PLCH1: variants seen among roughly 807,000 people sequenced by gnomAD.
PLCH1 encodes phospholipase C eta 1.
In PLCH1, 60 loss-of-function variants were observed where a neutral mutation model predicts 126.7. The observed-to-expected ratio is 0.47, with a 90% confidence interval of 0.38 to 0.59. The LOEUF is 0.59. Ranked by LOEUF, PLCH1 falls within the 20% of genes least tolerant of loss-of-function variation. The probability of loss-of-function intolerance (pLI) is 0.00; values close to 1 mark genes in which losing one functional copy is unlikely to be tolerated. For synonymous variants in PLCH1, 719 were observed against 734.9 expected, an observed-to-expected ratio of 0.98 and a Z score of 0.35; for missense variants, 1,723 against 2,040.0, an observed-to-expected ratio of 0.84 and a Z score of 2.99.
chr3:155,594,527 C>T (rs1732686980), intron 3 of PLCH1, among the ~76,000 whole-genome samples: 1 of 151,968 alleles, frequency 6.6e-6, no homozygotes, highest in African/African-American at 2.4e-5. Flanking sequence ...GAGCCAAGAT[C>T]GTGCCACTGC....
At chr3:155,568,754 C>CTGTGTCTGTG (rs1553840964) in intron 6 of PLCH1, among the ~76,000 whole-genome samples, 12 of 147,182 alleles carry the variant, frequency 8.2e-5, no homozygotes, top group Non-Finnish European at 1.8e-4. Flanking sequence ...AAATGTACCT[C>CTGTGTCTGTG]TGTGTGTGTG....
intron 6 of PLCH1, among the ~76,000 whole-genome samples, chr3:155,572,693 T>C (rs575211413): frequency 7.3e-5 from 11 of 150,588 alleles, no homozygotes; most frequent in African/African-American, 2.7e-4. Context: ...TTCCAAGAGA[T>C]TTTTTTTTTC....
chr3:155,454,750 T>G (rs1400689261), intron 21 of PLCH1, among the ~76,000 whole-genome samples: 1 of 152,220 alleles, frequency 6.6e-6, no homozygotes, highest in Non-Finnish European at 1.5e-5. Flanking sequence ...GTTCAAGATG[T>G]TGTTAGAAGT....
intron 4 of PLCH1, among the ~76,000 whole-genome samples, chr3:155,586,748 AG>A: frequency 6.6e-6 from 1 of 152,276 alleles, no homozygotes; most frequent in Admixed American, 6.5e-5. Context: ...GCGAAATGAG[AG>A]TTAAACCAAA....
intron 21 of PLCH1, among the ~76,000 whole-genome samples, chr3:155,467,684 A>C (rs1316605582): frequency 6.6e-6 from 1 of 152,234 alleles, no homozygotes; most frequent in African/African-American, 2.4e-5. Context: ...TCCAGGAGAG[A>C]GAGGCATGAC....
At chr3:155,577,993 A>T (rs1730196229) in intron 6 of PLCH1, among the ~76,000 whole-genome samples, 1 of 152,186 alleles carries the variant, frequency 6.6e-6, no homozygotes, top group Non-Finnish European at 1.5e-5. Context: ...CTTTGCATGG[A>T]TCAGGAAACC....
intron 21 of PLCH1, among the ~76,000 whole-genome samples, chr3:155,462,657 C>G (rs1250206325): frequency 6.6e-6 from 1 of 152,150 alleles, no homozygotes; most frequent in African/African-American, 2.4e-5. Context: ...GGTTATGTAT[C>G]ACACCAGCTC....
At chr3:155,717,133 C>G (rs1747577897) in intron 1 of PLCH1, among the ~76,000 whole-genome samples, 1 of 152,276 alleles carries the variant, frequency 6.6e-6, no homozygotes, top group Non-Finnish European at 1.5e-5. Context: ...CTCCATGACC[C>G]ACATTCAGGG....
In PLCH1 at chr3:155,711,497, C is replaced by T. The variant is rs191113778; in HGVS notation, c.-40-7233G>A. 3.8e-3 allele frequency among the ~76,000 whole-genome samples: 582 copies of T among 151,988 alleles called. 2 individuals are homozygous for T. Among genetic ancestry groups the T allele is most frequent in the Non-Finnish European group, 6.1e-3 (412 of 67,962 alleles). ...ATCATTTGTCAATACTTTTAAAACTCGACAATGAAAAAAAAAATCCTTCAC... is the reference window on the plus strand; with the variant it reads ...ATCATTTGTCAATACTTTTAAAACTTGACAATGAAAAAAAAAATCCTTCAC... On this transcript the variant is annotated intron_variant, in intron 1 of 22. Transcript: ENST00000460012.
intron 2 of PLCH1, among the ~76,000 whole-genome samples, chr3:155,666,675 A>G (rs1461316110): frequency 6.6e-6 from 1 of 152,208 alleles, no homozygotes; most frequent in Non-Finnish European, 1.5e-5. Context: ...CTAAATAACA[A>G]GCCAGGTACT....
intron 10 of PLCH1, among the ~76,000 whole-genome samples, chr3:155,540,596 A>G (rs1724098517): frequency 6.6e-6 from 1 of 152,146 alleles, no homozygotes; most frequent in Non-Finnish European, 1.5e-5. Flanking sequence ...TGAATAGACA[A>G]TTCTCAAAAA....
intron 4 of PLCH1, among the ~76,000 whole-genome samples, chr3:155,589,690 G>C (rs1414257873): frequency 6.6e-6 from 1 of 152,164 alleles, no homozygotes; most frequent in Non-Finnish European, 1.5e-5. Context: ...CTAAGTGCCA[G>C]AACCATCATC....
At chr3:155,544,030 C>T (rs1015234787) in intron 10 of PLCH1, among the ~76,000 whole-genome samples, 13 of 96,050 alleles carry the variant, frequency 1.4e-4, no homozygotes, top group Admixed American at 6.4e-4. Flanking sequence ...CAAATTCACA[C>T]ATAACAATAT....
chr3:155,635,871 A>G (rs1738662049), intron 2 of PLCH1, among the ~76,000 whole-genome samples: 1 of 152,232 alleles, frequency 6.6e-6, no homozygotes, highest in African/African-American at 2.4e-5. Flanking sequence ...AGAACGACAA[A>G]TTGCTTAAAA....
intron 2 of PLCH1, among the ~76,000 whole-genome samples, chr3:155,631,408 C>T (rs925301640): frequency 6.6e-6 from 1 of 152,128 alleles, no homozygotes; most frequent in Non-Finnish European, 1.5e-5. Context: ...AGCACTGAGG[C>T]AGCATACTTG....
chr3:155,463,223 G>A (rs1434283346), intron 21 of PLCH1, among the ~76,000 whole-genome samples: 2 of 152,084 alleles, frequency 1.3e-5, no homozygotes, highest in Non-Finnish European at 2.9e-5. Flanking sequence ...AAGAAAAAGT[G>A]GATAATTCAT....
At chr3:155,471,634 GCACCA>G (rs1401284913) in intron 21 of PLCH1, among the ~76,000 whole-genome samples, 1 of 145,256 alleles carries the variant, frequency 6.9e-6, no homozygotes, top group Non-Finnish European at 1.5e-5. Context: ...ATTTTTTTCA[GCACCA>G]CACCACACCT....
At chr3:155,733,051 G>T (rs998707893) in intron 1 of PLCH1, among the ~76,000 whole-genome samples, 2 of 151,972 alleles carry the variant, frequency 1.3e-5, no homozygotes, top group East Asian at 3.9e-4. Context: ...AAACACTGAT[G>T]AAATAAATTA....
chr3:155,638,187 CT>C (rs895329669), intron 2 of PLCH1, among the ~76,000 whole-genome samples: 1 of 152,200 alleles, frequency 6.6e-6, no homozygotes, highest in Non-Finnish European at 1.5e-5. Flanking sequence ...AGTATGCTTT[CT>C]TCCTCACTAC....
Sources: gnomAD v4.1 joint callset for allele counts (sites outside exome capture counted in the v4.1 genomes callset) on GRCh38, gnomAD v4.1.1 for gene constraint, MANE v1.5 for transcripts, NCBI Gene and HGNC (gene_info 2026-07-23, HGNC 2026-07-21) for gene names.